Variants in BLOC1S3 observed in about 807,000 individuals in gnomAD.
The protein encoded by BLOC1S3 is biogenesis of lysosome-related organelles complex 1 subunit 3.
A neutral mutation model predicts 9.1 loss-of-function variants in BLOC1S3; 7 were observed. That is an observed-to-expected ratio of 0.77 (90% CI 0.44 to 1.45). The LOEUF (loss-of-function observed/expected upper bound fraction) is 1.45. Among genes scored for constraint, BLOC1S3 ranks in the 40% most tolerant of loss-of-function variants. The probability of loss-of-function intolerance (pLI) is 0.01; values close to 1 mark genes in which losing one functional copy is unlikely to be tolerated. For synonymous variants in BLOC1S3, 145 were observed against 158.4 expected, an observed-to-expected ratio of 0.92 and a Z score of 0.64; for missense variants, 307 against 315.2, an observed-to-expected ratio of 0.97 and a Z score of 0.20.
chr19:45,186,911 T>G (rs1969569876), upstream of BLOC1S3, among the ~76,000 whole-genome samples: 1 of 152,216 alleles, frequency 6.6e-6, no homozygotes, highest in African/African-American at 2.4e-5. Flanking sequence ...CTTTGCAATT[T>G]TGTTTTTCTC....
chr19:45,214,250 C>T (rs1037881688), intron 3 of BLOC1S3, among the ~76,000 whole-genome samples: 17 of 152,156 alleles, frequency 1.1e-4, no homozygotes, highest in African/African-American at 3.6e-4. Context: ...CCAGGACCCC[C>T]ACCCTCAGTG....
chr19:45,185,776 C>T (rs1969561672), downstream of BLOC1S3, among the ~76,000 whole-genome samples: 1 of 151,578 alleles, frequency 6.6e-6, no homozygotes, highest in African/African-American at 2.4e-5. Flanking sequence ...AGGCAAGTTC[C>T]AAGCAGGAGA....
rs142412403 is a variant in BLOC1S3 at position 45,213,209 on chromosome 19, G to C, written n.283-3467G>C. ...AGACAGAAAGATGGGCGGGGCACAG[G>C]GATGTCTGCAAAGAAGGCACGGTCC... On this transcript the variant is annotated intron_variant and non_coding_transcript_variant, in intron 3 of 3. Coordinates refer to the BLOC1S3 transcript ENST00000591569. 1,036 of 1,611,358 alleles carry C rather than the reference G, an allele frequency of 6.4e-4. No individual in the cohort carries two copies. The highest frequency in any genetic ancestry group is 7.8e-4 in the Non-Finnish European group (914 of 1,178,758).
intron 3 of BLOC1S3, among the ~76,000 whole-genome samples, chr19:45,205,856 C>T (rs1428958250): frequency 6.6e-5 from 10 of 152,148 alleles, no homozygotes; most frequent in African/African-American, 1.4e-4. Flanking sequence ...ACTTCACTAA[C>T]GAAGATATGC....
chr19:45,184,700 A>T (rs967165078), downstream of BLOC1S3, among the ~76,000 whole-genome samples: 4 of 151,964 alleles, frequency 2.6e-5, no homozygotes, highest in Non-Finnish European at 5.9e-5. Flanking sequence ...GGAGATCAAG[A>T]CCATCCTGGC....
intron 3 of BLOC1S3, chr19:45,215,952 GCCGTCAGA>G (rs1357265721): frequency 7.2e-7 from 1 of 1,396,616 alleles, no homozygotes; most frequent in East Asian, 2.4e-5. Context: ...GCAGGAAACG[GCCGTCAGA>G]CACGCTCACC....
Position 45,179,756 on chromosome 19 carries a change from C to A in BLOC1S3, c.460C>A (p.Leu154Met), listed in dbSNP as rs891369026. The change falls in exon 2 of 2, where the codon CTG (leucine) becomes ATG (methionine). Residue 154 changes from leucine (L) to methionine (M), a missense_variant. By Grantham distance (15) the Leu-to-Met change is conservative (BLOSUM62 2). Transcript: ENST00000433642. The surrounding 1 kb of genome is among the most constrained non-coding windows in gnomAD (Gnocchi z 4.6). ...SRLAAAQAAG[L>M]AAAHSVRLAR... is the part of the protein sequence containing the mutation. The stretch of plus-strand genomic sequence containing the variant: ...GCTGGCGGCAGCCCAGGCGGCGGGG[C>A]TGGCGGCGGCCCACAGCGTGCGCCT... 9.5e-6 allele frequency: 14 copies of A among 1,480,686 alleles called. No individual in the cohort carries two copies. The African/African-American group carries it at 1.9e-4, about 20-fold the overall frequency. 91.7% of individuals were successfully genotyped at this position (1,480,686 alleles called of 1,614,324 possible). A position where few individuals can be genotyped will look rare whatever the true frequency, so the allele number is the denominator to read the frequency against.
At chr19:45,214,382 C>T (rs1278333803) in intron 3 of BLOC1S3, among the ~76,000 whole-genome samples, 1 of 152,196 alleles carries the variant, frequency 6.6e-6, no homozygotes, top group African/African-American at 2.4e-5. Flanking sequence ...CCGGCAGCCA[C>T]CACCACTGCC....
chr19:45,180,220 C>T lies in BLOC1S3; in HGVS notation c.*315C>T, dbSNP rs889927229. On this transcript the variant is annotated 3_prime_UTR_variant, in exon 2 of 2. Coordinates refer to ENST00000433642, the MANE Select transcript of BLOC1S3 (RefSeq NM_212550.5). ...TAGTTGCTCCTTAATCTGTTTCCAC[C>T]CTGGGGGCTCACCAATTTTTTTTTT... The T allele has an allele frequency of 9.8e-5, 29 of 295,262 alleles. No homozygotes were observed. Among genetic ancestry groups the T allele is most frequent in the African/African-American group, 6.9e-4 (29 of 42,070 alleles). 18.3% of individuals were successfully genotyped at this position (295,262 alleles called of 1,614,324 possible). A position where few individuals can be genotyped will look rare whatever the true frequency, so the allele number is the denominator to read the frequency against.
intron 2 of BLOC1S3, among the ~76,000 whole-genome samples, chr19:45,191,346 C>T (rs529633928): frequency 5.3e-5 from 8 of 152,060 alleles, no homozygotes; most frequent in African/African-American, 1.9e-4. Flanking sequence ...GTCTTGAACT[C>T]CCAACCTCAG....
Position 45,180,444 on chromosome 19 carries a change from GAGA to G in BLOC1S3, c.*542_*544del. 6.5e-6 allele frequency: 1 copy of G among 153,566 alleles called. No homozygotes were observed. The highest frequency in any genetic ancestry group is 1.5e-5 in the Non-Finnish European group (1 of 68,482). 9.5% of individuals were successfully genotyped at this position (153,566 alleles called of 1,614,324 possible). ...TTTTTTTCTGTCGGTTTGAAGAGGG[GAGA>G]AGGTCTCACTATGTTGCCCAGGCTT... On this transcript the variant is annotated 3_prime_UTR_variant, in exon 2 of 2. Transcript: ENST00000433642.
At chr19:45,205,903 C>T (rs1385270058) in intron 3 of BLOC1S3, among the ~76,000 whole-genome samples, 1 of 152,180 alleles carries the variant, frequency 6.6e-6, no homozygotes, top group African/African-American at 2.4e-5. Context: ...TGCTCAACAT[C>T]CTCAGTCGTT....
intron 3 of BLOC1S3, chr19:45,216,344 C>T (rs1379936064): frequency 6.2e-6 from 7 of 1,123,742 alleles, no homozygotes; most frequent in East Asian, 2.8e-5. Flanking sequence ...GGGAGGAGGC[C>T]GAGGCGGGTG....
rs1969662510 is a variant in BLOC1S3 at position 45,198,084 on chromosome 19, C to G, written n.181-4322C>G. ...ACAGGAGTGTGGGGGAAACAAGGTCCCGAACACTTGCATCTGTCTCACCCT... is the reference window on the plus strand; with the variant it reads ...ACAGGAGTGTGGGGGAAACAAGGTCGCGAACACTTGCATCTGTCTCACCCT... On this transcript the variant is annotated intron_variant and non_coding_transcript_variant, in intron 2 of 3. Transcript: ENST00000591569. Among the ~76,000 whole-genome samples the G allele has an allele frequency of 2.0e-5, 3 of 151,980 alleles. No individual in the cohort carries two copies. The South Asian group carries it at 6.2e-4, about 32-fold the overall frequency.
At position 45,180,227 on chromosome 19, in the gene BLOC1S3, G is replaced by T; in HGVS notation, c.*322G>T. The T allele has an allele frequency of 8.1e-6, 2 of 246,232 alleles. No individual in the cohort carries two copies. Among genetic ancestry groups the T allele is most frequent in the Non-Finnish European group, 7.7e-6 (1 of 130,268 alleles). 15.3% of individuals were successfully genotyped at this position (246,232 alleles called of 1,614,324 possible). A position where few individuals can be genotyped will look rare whatever the true frequency, so the allele number is the denominator to read the frequency against. On this transcript the variant is annotated 3_prime_UTR_variant, in exon 2 of 2. Coordinates refer to ENST00000433642, the MANE Select transcript of BLOC1S3 (RefSeq NM_212550.5). Reference sequence around the variant, plus strand: ...TCCTTAATCTGTTTCCACCCTGGGGGCTCACCAATTTTTTTTTTTTTTTTT... The same window carrying T: ...TCCTTAATCTGTTTCCACCCTGGGGTCTCACCAATTTTTTTTTTTTTTTTT...
downstream of BLOC1S3, among the ~76,000 whole-genome samples, chr19:45,184,873 C>T (rs1371889386): frequency 1.5e-4 from 19 of 123,190 alleles, no homozygotes; most frequent in Admixed American, 1.9e-3. Flanking sequence ...GCAGTCTGGC[C>T]TGGGTGAAAG....
chr19:45,193,754 T>C (rs1487217161), intron 2 of BLOC1S3, among the ~76,000 whole-genome samples: 1 of 147,356 alleles, frequency 6.8e-6, no homozygotes, highest in Non-Finnish European at 1.5e-5. Context: ...TTCCTTTTGC[T>C]GTGTAGTCAC....
chr19:45,216,210 G>T lies in BLOC1S3; in HGVS notation n.283-466G>T, dbSNP rs1357616901. 5 of 1,612,820 alleles carry T rather than the reference G, an allele frequency of 3.1e-6. No homozygotes were observed. The South Asian group carries it at 5.5e-5, about 18-fold the overall frequency. On this transcript the variant is annotated intron_variant and non_coding_transcript_variant, in intron 3 of 3. Coordinates refer to the BLOC1S3 transcript ENST00000591569. Reference sequence around the variant, plus strand: ...CCTGGGACTCCTGCAGGGGAGGGAGGGTGCGGGGTCACACCCTCCCAAGAT... The same window carrying T: ...CCTGGGACTCCTGCAGGGGAGGGAGTGTGCGGGGTCACACCCTCCCAAGAT...
intron 3 of BLOC1S3, chr19:45,213,403 G>A: frequency 6.2e-7 from 1 of 1,602,404 alleles, no homozygotes; most frequent in Non-Finnish European, 8.5e-7. Flanking sequence ...CCCAGCTCTA[G>A]ACACACACCC....
Sources: allele counts gnomAD v4.1 joint callset (sites outside exome capture counted in the v4.1 genomes callset), GRCh38; gene constraint gnomAD v4.1.1; non-coding constraint Gnocchi (gnomAD v3.1); transcripts MANE v1.5; gene names NCBI Gene and HGNC (gene_info 2026-07-23, HGNC 2026-07-21).